HGD: variants seen among roughly 807,000 people sequenced by gnomAD.
The protein encoded by HGD is homogentisate oxidase.
Under a neutral mutation model 60.8 loss-of-function variants are expected in HGD, and 61 were observed. The ratio of observed to expected loss-of-function variants is 1.00; its 90% confidence interval spans 0.82 to 1.24. The LOEUF is 1.24. Among genes scored for constraint, HGD ranks in the 50% most tolerant of loss-of-function variants. The pLI is 0.00. For missense variants in HGD, 542 were observed against 547.1 expected (o/e 0.99, Z 0.09); for synonymous variants, 212 against 187.7 (o/e 1.13, Z -1.06).
At chr3:120,648,627 G>A (rs1432717475) in intron 6 of HGD, among the ~76,000 whole-genome samples, 2 of 152,226 alleles carry the variant, frequency 1.3e-5, no homozygotes, top group Admixed American at 6.5e-5. Flanking sequence ...CTTACACAGA[G>A]CTGTTAGCTG....
At chr3:120,681,179 G>C (rs1238410394) in intron 1 of HGD, among the ~76,000 whole-genome samples, 1 of 152,142 alleles carries the variant, frequency 6.6e-6, no homozygotes, top group East Asian at 1.9e-4. Context: ...AGGGCATTAG[G>C]GCACTTCTCA....
intron 10 of HGD, 139 bp from the exon 11 acceptor site, chr3:120,641,832 A>T: frequency 1.4e-6 from 1 of 707,698 alleles, no homozygotes; most frequent in Non-Finnish European, 2.5e-6. Flanking sequence ...CCTTTGGGAG[A>T]AGTATAACCC....
intron 13 of HGD, among the ~76,000 whole-genome samples, chr3:120,631,505 T>C (rs918449924): frequency 1.3e-5 from 2 of 152,104 alleles, no homozygotes; most frequent in African/African-American, 4.8e-5. Context: ...ATAAAAATAA[T>C]AAATAATAAG....
intron 4 of HGD, among the ~76,000 whole-genome samples, chr3:120,655,380 G>C (rs1941463936): frequency 6.6e-6 from 1 of 152,182 alleles, no homozygotes; most frequent in Non-Finnish European, 1.5e-5. Flanking sequence ...CGACCTTGAC[G>C]AACCTTCTCT....
intron 4 of HGD, among the ~76,000 whole-genome samples, chr3:120,663,456 G>A (rs1707825668): frequency 6.6e-6 from 1 of 152,192 alleles, no homozygotes; most frequent in African/African-American, 2.4e-5. Context: ...TTGGGTGGCA[G>A]CAGGCAAAGA....
Position 120,633,191 on chromosome 3 carries a change from T to G in HGD, c.1144A>C (p.Ser382Arg). The G allele has an allele frequency of 2.5e-6, 4 of 1,614,152 alleles. No homozygotes were observed. The highest frequency in any genetic ancestry group is 3.4e-6 in the Non-Finnish European group (4 of 1,180,020). ...CTCTCAGGTGCCAGCTTGACCTTGC[T>G]GGCCTTCTCAAAGCAGTCAGCATCA... is the stretch of plus-strand genomic sequence containing the variant. ...GPDADCFEKA[S>R]KVKLAPERIA... Residue 382 changes from serine (S) to arginine (R), a missense_variant, in exon 13 of 14, where the codon AGC (serine) becomes CGC (arginine). Around this residue, in one of 2 missense-constraint regions of HGD, gnomAD observed 537 missense variants for 529.1 expected, o/e 1.01. Coordinates refer to ENST00000283871, the MANE Select transcript of HGD (RefSeq NM_000187.4).
intron 4 of HGD, among the ~76,000 whole-genome samples, chr3:120,669,404 A>G (rs1559799364): frequency 6.6e-6 from 1 of 151,800 alleles, no homozygotes; most frequent in Non-Finnish European, 1.5e-5. Context: ...GTGTCCATCT[A>G]TATGCCATTA....
chr3:120,641,659 C>T lies in HGD; in HGVS notation c.809G>A (p.Gly270Glu), dbSNP rs897616721. The T allele has an allele frequency of 1.2e-6, 2 of 1,613,808 alleles. No homozygotes were observed. The highest frequency in any genetic ancestry group is 2.7e-5 in the African/African-American group (2 of 74,904). The change falls in exon 11 of 14, where the codon GGG becomes GAG. Residue 270 changes from glycine (G) to glutamate (E), a missense_variant. By Grantham distance (98) the Gly-to-Glu change is moderately conservative (BLOSUM62 -2). Around this residue, in one of 2 missense-constraint regions of HGD, gnomAD observed 537 missense variants for 529.1 expected, o/e 1.01. Transcript: ENST00000283871. Reference protein sequence around the residue: ...VSPFNVVAWHGNYTPYKYNLK... With the variant: ...VSPFNVVAWHENYTPYKYNLK... ...GTTGTACTTGTAGGGTGTATAATTC[C>T]CGTGCCAGGCCACAACATTGAACGG...
rs369517993 is a variant in HGD at position 120,674,937 on chromosome 3, G to A, written c.140C>T (p.Ser47Leu). Reference sequence around the variant, plus strand: ...GGTGCTCCGTGGACAAGTGAAAGCCGATCCTGAGAGCTGCTCAGCATAGAG... The same window carrying A: ...GGTGCTCCGTGGACAAGTGAAAGCCAATCCTGAGAGCTGCTCAGCATAGAG... ...YNLYAEQLSG[S>L]AFTCPRSTNK... Residue 47 changes from serine to leucine, a missense_variant, in exon 3 of 14, where the codon TCG (serine) becomes TTG (leucine). Around this residue, in one of 2 missense-constraint regions of HGD, gnomAD observed 537 missense variants for 529.1 expected, o/e 1.01. Transcript: ENST00000283871. The A allele has an allele frequency of 5.0e-6, 8 of 1,611,848 alleles. No individual in the cohort carries two copies. Among genetic ancestry groups the A allele is most frequent in the Middle Eastern group, 1.7e-4 (1 of 6,038 alleles).
intron 11 of HGD, among the ~76,000 whole-genome samples, chr3:120,640,244 AAGGGAGGG>A (rs1303943792): frequency 2.8e-5 from 4 of 140,856 alleles, no homozygotes; most frequent in South Asian, 5.3e-4. Context: ...ATGGGGGAAA[AAGGGAGGG>A]AGGGAGGGAG....
At chr3:120,647,838 C>A in intron 7 of HGD, 39 bp downstream of exon 7, 5 of 1,525,984 alleles carry the variant, frequency 3.3e-6, no homozygotes, top group Non-Finnish European at 4.5e-6. Context: ...GGTTAGGGGT[C>A]AATTAACAGT....
At chr3:120,630,622 A>C (rs1940555263) in intron 13 of HGD, among the ~76,000 whole-genome samples, 1 of 151,880 alleles carries the variant, frequency 6.6e-6, no homozygotes, top group African/African-American at 2.4e-5. Flanking sequence ...AGAAAAACCA[A>C]CTCATGATGG....
chr3:120,670,574 T>C (rs1281663951), intron 3 of HGD, 42 bp from the exon 4 acceptor site: 5 of 1,115,580 alleles, frequency 4.5e-6, no homozygotes, highest in Non-Finnish European at 6.9e-6. Context: ...CTTAGAGTAA[T>C]GTTCTGAGTG....
intron 4 of HGD, among the ~76,000 whole-genome samples, chr3:120,664,222 G>T (rs1707845582): frequency 6.6e-6 from 1 of 152,140 alleles, no homozygotes; most frequent in Non-Finnish European, 1.5e-5. Flanking sequence ...GGCATGAAGA[G>T]CTTGGGGAAG....
chr3:120,663,961 A>G (rs748811922), intron 4 of HGD, among the ~76,000 whole-genome samples: 4 of 152,034 alleles, frequency 2.6e-5, no homozygotes, highest in African/African-American at 4.8e-5. Flanking sequence ...TAAAAGCACT[A>G]TTATAAGTGT....
rs1448995357 is a variant in HGD at position 120,682,163 on chromosome 3, A to G, written c.-52T>C. 6.4e-7 allele frequency: 1 copy of G among 1,570,904 alleles called. No homozygotes were observed. The highest frequency in any genetic ancestry group is 1.1e-5 in the South Asian group (1 of 90,256). ...TTCAGGAAACCCAGGCCCAGAGGATATAAAGCCACAATGCTTCTTTCTCCT... is the reference window on the plus strand; with the variant it reads ...TTCAGGAAACCCAGGCCCAGAGGATGTAAAGCCACAATGCTTCTTTCTCCT... On this transcript the variant is annotated 5_prime_UTR_variant, in exon 1 of 14. Transcript: ENST00000283871.
At chr3:120,675,719 G>C (rs1453493964) in intron 2 of HGD, 73 bp downstream of exon 2, 1 of 1,163,836 alleles carries the variant, frequency 8.6e-7, no homozygotes. Context: ...GGTGGGTGGA[G>C]GCACTTTGGC....
At chr3:120,637,725 C>T (rs1940829008) in intron 12 of HGD, among the ~76,000 whole-genome samples, 1 of 152,116 alleles carries the variant, frequency 6.6e-6, no homozygotes, top group South Asian at 2.1e-4. Flanking sequence ...CCAGTATTCC[C>T]CAAAAGGAAA....
chr3:120,672,813 T>C (rs989579018), intron 3 of HGD, among the ~76,000 whole-genome samples: 6 of 152,214 alleles, frequency 3.9e-5, no homozygotes, highest in African/African-American at 1.4e-4. Context: ...GCTTATCATG[T>C]GTTTGTTAAA....
Sources: allele counts gnomAD v4.1 joint callset (sites outside exome capture counted in the v4.1 genomes callset), GRCh38; gene constraint gnomAD v4.1.1; regional missense constraint gnomAD v4.1.1; transcripts MANE v1.5; gene names NCBI Gene and HGNC (gene_info 2026-07-23, HGNC 2026-07-21).